Variants in RABGAP1L observed in about 807,000 individuals in gnomAD.
The protein encoded by RABGAP1L is RAB GTPase activating protein 1 like, also known as rab GTPase-activating protein 1-like.
RABGAP1L carries 63 observed loss-of-function variants against 137.7 expected under a neutral mutation model. The ratio of observed to expected loss-of-function variants is 0.46; its 90% CI spans 0.37 to 0.56. RABGAP1L has a LOEUF of 0.56. RABGAP1L is among the 20% of genes least tolerant of loss of function. The pLI is 0.00. For synonymous variants in RABGAP1L, 431 were observed against 433.7 expected, an observed-to-expected ratio of 0.99 and a Z score of 0.08; for missense variants, 1,095 against 1,244.0, an observed-to-expected ratio of 0.88 and a Z score of 1.80.
chr1:174,880,444 C>T (rs377745609), intron 19 of RABGAP1L, among the ~76,000 whole-genome samples: 3 of 151,250 alleles, frequency 2.0e-5, no homozygotes, highest in South Asian at 2.1e-4. Context: ...TCAAGACCAG[C>T]GTAGGCAACA....
chr1:174,350,098 C>G (rs1179040209), intron 11 of RABGAP1L, among the ~76,000 whole-genome samples: 14 of 139,150 alleles, frequency 1.0e-4, no homozygotes, highest in Admixed American at 1.4e-4. Flanking sequence ...CTGACCCCCC[C>G]ACCTCCCTCC....
At chr1:174,869,326 T>G in intron 19 of RABGAP1L, among the ~76,000 whole-genome samples, 1 of 151,236 alleles carries the variant, frequency 6.6e-6, no homozygotes, top group Non-Finnish European at 1.5e-5. Flanking sequence ...TCATGGGAGG[T>G]GAGTGGAACA....
At chr1:174,671,116 C>CTTTTT (rs1417471085) in intron 14 of RABGAP1L, among the ~76,000 whole-genome samples, 1 of 152,016 alleles carries the variant, frequency 6.6e-6, no homozygotes, top group African/African-American at 2.4e-5. Context: ...TTTCATGATT[C>CTTTTT]TTTTTTCAAA....
intron 13 of RABGAP1L, among the ~76,000 whole-genome samples, chr1:174,629,595 T>C (rs1321246874): frequency 6.6e-6 from 1 of 152,176 alleles, no homozygotes; most frequent in Non-Finnish European, 1.5e-5. Flanking sequence ...CGATCTCGGC[T>C]CACTGCAACC....
At chr1:174,739,351 C>G (rs1683203104) in intron 17 of RABGAP1L, among the ~76,000 whole-genome samples, 2 of 152,114 alleles carry the variant, frequency 1.3e-5, no homozygotes, top group Non-Finnish European at 2.9e-5. Flanking sequence ...CTTATTTGTG[C>G]TTTCTAAAAA....
chr1:174,750,030 C>T (rs538265118), intron 17 of RABGAP1L, among the ~76,000 whole-genome samples: 18 of 152,114 alleles, frequency 1.2e-4, no homozygotes, highest in African/African-American at 3.6e-4. Context: ...CCACCACGCC[C>T]GGCTAATTTT....
intron 13 of RABGAP1L, among the ~76,000 whole-genome samples, chr1:174,599,419 C>A (rs578247193): frequency 6.6e-6 from 1 of 152,278 alleles, no homozygotes; most frequent in Middle Eastern, 3.4e-3. Flanking sequence ...CTATGTACTT[C>A]CTATTAGCAG....
At chr1:174,537,672 T>G (rs1261061787) in intron 13 of RABGAP1L, among the ~76,000 whole-genome samples, 1 of 152,210 alleles carries the variant, frequency 6.6e-6, no homozygotes, top group Non-Finnish European at 1.5e-5. Context: ...TGGTGCTACC[T>G]GAGAGCATAA....
intron 19 of RABGAP1L, among the ~76,000 whole-genome samples, chr1:174,913,564 C>T (rs2149203890): frequency 6.6e-6 from 1 of 152,296 alleles, no homozygotes; most frequent in East Asian, 1.9e-4. Flanking sequence ...CAAGGCTTGA[C>T]CCTGTAACTT....
intron 19 of RABGAP1L, among the ~76,000 whole-genome samples, chr1:174,895,899 AC>A (rs1319336904): frequency 1.3e-5 from 2 of 152,186 alleles, no homozygotes; most frequent in Non-Finnish European, 2.9e-5. Flanking sequence ...GCCACAGTAA[AC>A]ATATGTGTGC....
At chr1:174,769,396 C>A (rs1448415559) in intron 18 of RABGAP1L, among the ~76,000 whole-genome samples, 1 of 152,030 alleles carries the variant, frequency 6.6e-6, no homozygotes, top group East Asian at 1.9e-4. Flanking sequence ...TCCCAAAAGG[C>A]CATTCTTAGG....
chr1:174,349,233 C>A (rs1682792461), intron 11 of RABGAP1L, among the ~76,000 whole-genome samples: 1 of 134,276 alleles, frequency 7.4e-6, no homozygotes, highest in Non-Finnish European at 1.6e-5. Context: ...GGGGGGCTGA[C>A]CCCTCCCACC....
chr1:174,349,921 C>G (rs1185435792), intron 11 of RABGAP1L, among the ~76,000 whole-genome samples: 2 of 136,822 alleles, frequency 1.5e-5, no homozygotes, highest in Admixed American at 7.2e-5. Context: ...GACCCCCCCC[C>G]ACCTCCCTCC....
At chr1:174,166,625 A>G (rs1246475815) in intron 1 of RABGAP1L, among the ~76,000 whole-genome samples, 2 of 152,220 alleles carry the variant, frequency 1.3e-5, no homozygotes, top group Non-Finnish European at 1.5e-5. Flanking sequence ...GAAGGTATAA[A>G]TGCCAGTAAG....
intron 5 of RABGAP1L, among the ~76,000 whole-genome samples, chr1:174,247,271 T>C (rs2148581643): frequency 6.6e-6 from 1 of 152,276 alleles, no homozygotes. Flanking sequence ...TATGCAAAAT[T>C]ACATACAGGT....
chr1:174,500,358 G>A (rs1237340585), intron 13 of RABGAP1L, among the ~76,000 whole-genome samples: 1 of 152,238 alleles, frequency 6.6e-6, no homozygotes, highest in Non-Finnish European at 1.5e-5. Context: ...GGCATTACAG[G>A]TGTGAGCCAC....
chr1:174,239,598 T>G (rs966493867), intron 4 of RABGAP1L, among the ~76,000 whole-genome samples: 1 of 152,180 alleles, frequency 6.6e-6, no homozygotes, highest in East Asian at 1.9e-4. Context: ...TTTCTTTGAA[T>G]TGATATTATA....
intron 11 of RABGAP1L, among the ~76,000 whole-genome samples, chr1:174,319,411 T>C (rs1015866936): frequency 1.6e-4 from 24 of 152,170 alleles, no homozygotes; most frequent in Admixed American, 2.0e-4. Flanking sequence ...TATTCTTGGT[T>C]ATTAATTCTA....
chr1:174,745,866 C>G (rs1683825308), intron 17 of RABGAP1L, among the ~76,000 whole-genome samples: 1 of 152,186 alleles, frequency 6.6e-6, no homozygotes, highest in African/African-American at 2.4e-5. Flanking sequence ...TTTCCTCTAG[C>G]TTTGTCTGTG....
Sources: gnomAD v4.1 joint callset for allele counts (sites outside exome capture counted in the v4.1 genomes callset) on GRCh38, gnomAD v4.1.1 for gene constraint, MANE v1.5 for transcripts, NCBI Gene and HGNC (gene_info 2026-07-23, HGNC 2026-07-21) for gene names.